Variants in KHDRBS3 observed in about 807,000 individuals in gnomAD.
KHDRBS3 encodes the protein KH domain-containing, RNA-binding, signal transduction-associated protein 3.
KHDRBS3 carries 23 observed loss-of-function variants against 45.6 expected under a neutral mutation model. The ratio of observed to expected loss-of-function variants is 0.50; its 90% CI spans 0.36 to 0.72. The LOEUF is 0.72. Among genes scored for constraint, KHDRBS3 ranks in the 30% least tolerant of loss-of-function variants. The pLI is 0.00. For missense variants in KHDRBS3, 352 were observed against 424.8 expected (o/e 0.83, Z 1.51); for synonymous variants, 162 against 156.5 (o/e 1.04, Z -0.26).
At chr8:135,467,721 G>T (rs1821771325) in intron 1 of KHDRBS3, among the ~76,000 whole-genome samples, 1 of 152,252 alleles carries the variant, frequency 6.6e-6, no homozygotes, top group Admixed American at 6.5e-5. Context: ...CCACGTCTGT[G>T]TCGTTACTGG....
At chr8:135,590,234 A>G (rs1445264372) in intron 6 of KHDRBS3, among the ~76,000 whole-genome samples, 1 of 152,254 alleles carries the variant, frequency 6.6e-6, no homozygotes, top group Non-Finnish European at 1.5e-5. Flanking sequence ...GTGTCTAAAC[A>G]TAGAAAAGAT....
chr8:135,565,613 T>G (rs1827377026), intron 5 of KHDRBS3, among the ~76,000 whole-genome samples: 1 of 152,156 alleles, frequency 6.6e-6, no homozygotes, highest in South Asian at 2.1e-4. Context: ...CCTGTGCACT[T>G]GTGGTTCAGT....
intron 3 of KHDRBS3, among the ~76,000 whole-genome samples, chr8:135,544,985 A>C (rs1826220679): frequency 6.6e-6 from 1 of 152,000 alleles, no homozygotes; most frequent in Admixed American, 6.6e-5. Flanking sequence ...GGTCAGAATC[A>C]GTTCTGTTAA....
At chr8:135,561,753 C>T (rs1026362349) in intron 5 of KHDRBS3, among the ~76,000 whole-genome samples, 5 of 152,008 alleles carry the variant, frequency 3.3e-5, no homozygotes, top group Non-Finnish European at 5.9e-5. Context: ...GAAAAGTCCC[C>T]GTTGCCTAGT....
intron 7 of KHDRBS3, among the ~76,000 whole-genome samples, chr8:135,622,864 C>G (rs1222379579): frequency 1.3e-5 from 2 of 152,178 alleles, no homozygotes; most frequent in African/African-American, 4.8e-5. Flanking sequence ...GCTTAAGGAA[C>G]CCAACCTTGA....
rs1831339227 is a variant in KHDRBS3 at position 135,647,420 on chromosome 8, T to G, written c.*336T>G. The G allele has an allele frequency of 6.1e-6, 1 of 164,964 alleles. No homozygotes were observed. The highest frequency in any genetic ancestry group is 1.3e-5 in the Non-Finnish European group (1 of 76,498). The allele number at this position is 164,964 out of a possible 1,614,324, so 10.2% of individuals were successfully genotyped here. A position where few individuals can be genotyped will look rare whatever the true frequency, so the allele number is the denominator to read the frequency against. On this transcript the variant is annotated 3_prime_UTR_variant, in exon 9 of 9. Coordinates refer to ENST00000355849, the MANE Select transcript of KHDRBS3 (RefSeq NM_006558.3). The stretch of plus-strand genomic sequence containing the variant: ...AGCCTCACCTTTCATTTTAAAGGTT[T>G]CCATAGAATTTAGTTATTTTATCTT...
chr8:135,619,633 A>G (rs1830057740), intron 7 of KHDRBS3, among the ~76,000 whole-genome samples: 1 of 152,266 alleles, frequency 6.6e-6, no homozygotes, highest in African/African-American at 2.4e-5. Context: ...TATGGAAAGC[A>G]TATCACACAT....
At chr8:135,461,597 G>A (rs1821435827) in intron 1 of KHDRBS3, among the ~76,000 whole-genome samples, 1 of 152,186 alleles carries the variant, frequency 6.6e-6, no homozygotes, top group Non-Finnish European at 1.5e-5. Context: ...TTTGCTAGTA[G>A]GGGATGTGCT....
chr8:135,555,814 C>T (rs1026459722), intron 4 of KHDRBS3, among the ~76,000 whole-genome samples: 1 of 152,038 alleles, frequency 6.6e-6, no homozygotes, highest in Non-Finnish European at 1.5e-5. Context: ...TAGGTATACA[C>T]GTGCCCTGGT....
At chr8:135,513,543 T>C (rs1322310993) in intron 1 of KHDRBS3, among the ~76,000 whole-genome samples, 1 of 152,222 alleles carries the variant, frequency 6.6e-6, no homozygotes, top group Non-Finnish European at 1.5e-5. Flanking sequence ...CTGGCTGCAT[T>C]ATTTCAAAGA....
intron 2 of KHDRBS3, among the ~76,000 whole-genome samples, chr8:135,530,069 A>AAAAAAAAAAG (rs1341004544): frequency 1.1e-3 from 164 of 151,766 alleles, no homozygotes; most frequent in African/African-American, 3.7e-3. Context: ...CAAAAAAAAA[A>AAAAAAAAAAG]AAAGAAATTA....
At chr8:135,599,782 C>T (rs1242737430) in intron 6 of KHDRBS3, among the ~76,000 whole-genome samples, 1 of 152,220 alleles carries the variant, frequency 6.6e-6, no homozygotes, top group Non-Finnish European at 1.5e-5. Flanking sequence ...ATAATTCAGC[C>T]TGGAGTCTTC....
intron 1 of KHDRBS3, among the ~76,000 whole-genome samples, chr8:135,516,598 G>GTGTGTGTGTA (rs1554620992): frequency 1.3e-4 from 20 of 151,848 alleles, no homozygotes; most frequent in African/African-American, 4.8e-4. Flanking sequence ...GTGTGTGTGT[G>GTGTGTGTGTA]AGTAAACAGT....
chr8:135,485,083 A>G (rs918203779), intron 1 of KHDRBS3, among the ~76,000 whole-genome samples: 10 of 152,160 alleles, frequency 6.6e-5, no homozygotes, highest in African/African-American at 1.4e-4. Context: ...CTCCATCTCA[A>G]TTATCCTTCT....
In KHDRBS3 at chr8:135,458,148, TTTGGGGAC is replaced by T. The variant is rs1316348893; in HGVS notation, c.88+199_88+206del. ...CCTAGGGGAAGACCCTGATGTGAAT[TTTGGGGAC>T]TTGGAAGGAGAAGGCTGGGGCGCAT... On this transcript the variant is annotated intron_variant, in intron 1 of 8. Coordinates refer to ENST00000355849, the MANE Select transcript of KHDRBS3 (RefSeq NM_006558.3). The T allele has an allele frequency of 5.2e-6, 7 of 1,349,670 alleles. No homozygotes were observed. In the South Asian group the frequency reaches 1.0e-4, roughly 19 times the overall value. 83.6% of individuals were successfully genotyped at this position (1,349,670 alleles called of 1,614,324 possible).
At chr8:135,473,309 C>T (rs1206369266) in intron 1 of KHDRBS3, among the ~76,000 whole-genome samples, 2 of 152,122 alleles carry the variant, frequency 1.3e-5, no homozygotes, top group African/African-American at 2.4e-5. Flanking sequence ...TCCATTTAGA[C>T]GACGCGCTTT....
chr8:135,523,475 A>G (rs1825020845), intron 2 of KHDRBS3, among the ~76,000 whole-genome samples: 1 of 152,112 alleles, frequency 6.6e-6, no homozygotes, highest in African/African-American at 2.4e-5. Flanking sequence ...ACCTTGCTAA[A>G]TTTAAATTCA....
chr8:135,475,978 C>G (rs76671906), intron 1 of KHDRBS3, among the ~76,000 whole-genome samples: 58 of 152,304 alleles, frequency 3.8e-4, no homozygotes, highest in African/African-American at 1.3e-3. Flanking sequence ...TATGGAGTTA[C>G]TTTGTCTTGC....
intron 1 of KHDRBS3, among the ~76,000 whole-genome samples, chr8:135,518,064 A>G (rs373542274): frequency 6.6e-6 from 1 of 152,230 alleles, no homozygotes; most frequent in African/African-American, 2.4e-5. Flanking sequence ...ACAAAATGTT[A>G]AGTGACACTG....
Sources: gnomAD v4.1 joint callset for allele counts (sites outside exome capture counted in the v4.1 genomes callset) on GRCh38, gnomAD v4.1.1 for gene constraint, MANE v1.5 for transcripts, NCBI Gene and HGNC (gene_info 2026-07-23, HGNC 2026-07-21) for gene names.